The following FBP2 variants were observed in gnomAD, a reference collection of about 807,000 sequenced individuals.
FBP2 encodes the protein fructose-bisphosphatase 2.
In FBP2, 27 loss-of-function variants were observed where a neutral mutation model predicts 31.6. That is an observed-to-expected ratio of 0.85 (90% CI 0.63 to 1.18). The LOEUF (loss-of-function observed/expected upper bound fraction) is 1.18, where lower values mean the gene tolerates loss of function less well. FBP2 is among the 50% of genes most tolerant of loss of function. The probability of loss-of-function intolerance (pLI) is 0.00; values close to 1 mark genes in which losing one functional copy is unlikely to be tolerated. For missense variants in FBP2, 421 were observed against 436.1 expected (o/e 0.97, Z 0.31); for synonymous variants, 168 against 179.8 (o/e 0.93, Z 0.53).
intron 4 of FBP2, 99 bp downstream of exon 4, chr9:94,571,363 G>A (rs1827266544): frequency 5.5e-6 from 7 of 1,265,730 alleles, no homozygotes; most frequent in Non-Finnish European, 6.4e-6. Flanking sequence ...CCCAAAACAA[G>A]TATTAGGAAT....
intron 4 of FBP2, chr9:94,568,411 T>C (rs609901): frequency 6.6e-6 from 1 of 151,896 alleles, no homozygotes; most frequent in Non-Finnish European, 1.5e-5. Context: ...TCTGGTGATA[T>C]CAGTCACTAA....
intron 3 of FBP2, chr9:94,576,527 C>T (rs1827316287): frequency 6.6e-6 from 1 of 152,318 alleles, no homozygotes; most frequent in African/African-American, 2.4e-5. Context: ...GCTCCAGTTG[C>T]TTGTGGCTAC....
intron 3 of FBP2, among the ~76,000 whole-genome samples, chr9:94,579,836 C>A (rs1313997645): frequency 6.6e-6 from 1 of 152,210 alleles, no homozygotes; most frequent in East Asian, 1.9e-4. Context: ...TCTTTTTCCT[C>A]CAATTTTATT....
intron 5 of FBP2, among the ~76,000 whole-genome samples, chr9:94,565,074 A>G (rs1290300569): frequency 6.6e-6 from 1 of 152,174 alleles, no homozygotes; most frequent in East Asian, 1.9e-4. Flanking sequence ...TTATATGTCA[A>G]TTAAAAATAA....
At chr9:94,565,795 A>G (rs1827180592) in intron 5 of FBP2, among the ~76,000 whole-genome samples, 1 of 150,728 alleles carries the variant, frequency 6.6e-6, no homozygotes, top group African/African-American at 2.5e-5. Context: ...TAGATGATAG[A>G]TAGGTGAGAG....
chr9:94,574,774 C>T (rs1052849352), intron 3 of FBP2, among the ~76,000 whole-genome samples: 2 of 152,090 alleles, frequency 1.3e-5, no homozygotes, highest in African/African-American at 2.4e-5. Context: ...CCAAACTCAT[C>T]AACTCATCTG....
At chr9:94,563,524 G>A (rs1056803055) in intron 5 of FBP2, 63 bp from the exon 6 acceptor site, 22 of 1,571,508 alleles carry the variant, frequency 1.4e-5, no homozygotes, top group Middle Eastern at 1.7e-4. Flanking sequence ...GCACCTGCTC[G>A]TGGTCACAAG....
At chr9:94,582,850 CTTTT>C (rs1174064928) in intron 3 of FBP2, among the ~76,000 whole-genome samples, 4 of 107,550 alleles carry the variant, frequency 3.7e-5, no homozygotes, top group African/African-American at 4.0e-5. Context: ...TCCCAGCCCC[CTTTT>C]TTTTTTTTTT....
At chr9:94,588,748 T>C (rs1827457597) in intron 1 of FBP2, among the ~76,000 whole-genome samples, 1 of 152,000 alleles carries the variant, frequency 6.6e-6, no homozygotes, top group Non-Finnish European at 1.5e-5. Context: ...GTGCCCCCAG[T>C]CTTACCCAGA....
chr9:94,566,790 A>G (rs1037634233), intron 5 of FBP2, among the ~76,000 whole-genome samples: 1 of 152,232 alleles, frequency 6.6e-6, no homozygotes, highest in Non-Finnish European at 1.5e-5. Flanking sequence ...GTTGGTATGA[A>G]GCCTTACAAA....
At chr9:94,569,583 TTTA>T (rs1336943836) in intron 4 of FBP2, 1 of 152,226 alleles carries the variant, frequency 6.6e-6, no homozygotes, top group Non-Finnish European at 1.5e-5. Context: ...TTTCCACAGT[TTTA>T]TTAACCTGGA....
intron 1 of FBP2, among the ~76,000 whole-genome samples, chr9:94,591,204 G>T (rs1247126377): frequency 6.6e-6 from 1 of 152,248 alleles, no homozygotes; most frequent in African/African-American, 2.4e-5. Context: ...GGTGGCGCTC[G>T]TCGGGGAGGC....
chr9:94,592,122 G>T (rs1362571078), intron 1 of FBP2, among the ~76,000 whole-genome samples: 1 of 152,200 alleles, frequency 6.6e-6, no homozygotes. Flanking sequence ...ACTCAGCAGG[G>T]CTGTCACCCA....
intron 5 of FBP2, among the ~76,000 whole-genome samples, chr9:94,564,459 C>T (rs77855592): frequency 0.088 from 13,436 of 152,184 alleles, 1,159 homozygotes; most frequent in African/African-American, 0.21. Context: ...TACATATACA[C>T]AATGGAATAC....
intron 6 of FBP2, 100 bp downstream of exon 6, chr9:94,563,242 A>T: frequency 7.5e-7 from 1 of 1,337,924 alleles, no homozygotes; most frequent in Non-Finnish European, 1.0e-6. Context: ...CCACACAGAC[A>T]TGCCATGAAG....
At chr9:94,563,304 C>T in intron 6 of FBP2, 38 bp downstream of exon 6, 1 of 1,607,632 alleles carries the variant, frequency 6.2e-7, no homozygotes, top group Non-Finnish European at 8.5e-7. Context: ...CCCCACCTCC[C>T]TGACCGGATG....
chr9:94,592,497 T>C (rs184380742), intron 1 of FBP2, among the ~76,000 whole-genome samples: 49 of 152,310 alleles, frequency 3.2e-4, no homozygotes, highest in Admixed American at 1.8e-3. Context: ...CCCCTGGAAT[T>C]ACTACAAGGG....
At chr9:94,593,461 C>G in intron 1 of FBP2, 96 bp downstream of exon 1, 1 of 1,230,606 alleles carries the variant, frequency 8.1e-7, no homozygotes, top group Non-Finnish European at 1.1e-6. Context: ...GGCCAATAAG[C>G]TTTGGACCCA....
At chr9:94,566,881 CA>C (rs1451366902) in intron 5 of FBP2, among the ~76,000 whole-genome samples, 1 of 152,052 alleles carries the variant, frequency 6.6e-6, no homozygotes, top group Non-Finnish European at 1.5e-5. Context: ...TTCATTTTTC[CA>C]TGAACTTTTT....
Sources: allele counts gnomAD v4.1 joint callset (sites outside exome capture counted in the v4.1 genomes callset), GRCh38; gene constraint gnomAD v4.1.1; transcripts MANE v1.5; gene names NCBI Gene and HGNC (gene_info 2026-07-23, HGNC 2026-07-21).